Variants in ZFHX3 observed in about 807,000 individuals in gnomAD.
ZFHX3 encodes zinc finger homeobox 3.
Under a neutral mutation model 279.1 loss-of-function variants are expected in ZFHX3, and 42 were observed. That is an observed-to-expected ratio of 0.15 (90% CI 0.12 to 0.19). The LOEUF is 0.19. Among genes scored for constraint, ZFHX3 ranks in the 10% least tolerant of loss-of-function variants. The pLI is 1.00. For missense variants in ZFHX3, 4,981 were observed against 4,754.0 expected, an observed-to-expected ratio of 1.05 and a Z score of -1.40; for synonymous variants, 2,293 against 1,957.8, an observed-to-expected ratio of 1.17 and a Z score of -4.52.
At chr16:73,672,184 T>G (rs1467653298) in intron 2 of ZFHX3, among the ~76,000 whole-genome samples, 1 of 152,156 alleles carries the variant, frequency 6.6e-6, no homozygotes, top group Non-Finnish European at 1.5e-5. Context: ...TATATAATCT[T>G]TACTCTGACA....
intron 1 of ZFHX3, among the ~76,000 whole-genome samples, chr16:73,822,801 G>A (rs764551550): frequency 6.6e-6 from 1 of 152,212 alleles, no homozygotes; most frequent in East Asian, 1.9e-4. Flanking sequence ...GTCACTTTTA[G>A]ATACTGAGAG....
intron 2 of ZFHX3, among the ~76,000 whole-genome samples, chr16:73,511,428 G>A (rs568424062): frequency 2.0e-5 from 3 of 152,314 alleles, no homozygotes; most frequent in South Asian, 2.1e-4. Flanking sequence ...TAGCATCCCA[G>A]TCCTAAGATC....
chr16:73,566,052 A>T lies in ZFHX3; in HGVS notation c.-1546-109794T>A, dbSNP rs536309516. Among the ~76,000 whole-genome samples the T allele has an allele frequency of 1.2e-4, 19 of 152,310 alleles. No individual in the cohort carries two copies. The South Asian group carries it at 3.7e-3, about 30-fold the overall frequency. ...TGGTCTAAGCTTCCTGCTCATGCAGAGCTGTGGCAATGCTGTAGAAACACT... is the reference window on the plus strand; with the variant it reads ...TGGTCTAAGCTTCCTGCTCATGCAGTGCTGTGGCAATGCTGTAGAAACACT... On this transcript the variant is annotated intron_variant, in intron 2 of 17. Transcript: ENST00000641206.
At chr16:72,818,871 G>A (rs2036696196) in intron 5 of ZFHX3, among the ~76,000 whole-genome samples, 3 of 152,072 alleles carry the variant, frequency 2.0e-5, no homozygotes, top group Admixed American at 6.5e-5. Flanking sequence ...AAGACACAGA[G>A]GTTCTATCAA....
intron 2 of ZFHX3, among the ~76,000 whole-genome samples, chr16:73,477,668 C>T (rs1156233757): frequency 1.3e-5 from 2 of 152,192 alleles, no homozygotes; most frequent in Admixed American, 1.3e-4. Flanking sequence ...GCACTGGTAG[C>T]CGGTAGGGCA....
intron 5 of ZFHX3, among the ~76,000 whole-genome samples, chr16:73,245,909 A>C (rs779504928): frequency 5.9e-5 from 9 of 152,128 alleles, no homozygotes; most frequent in Non-Finnish European, 8.8e-5. Flanking sequence ...TGGGAACCTT[A>C]AGAGGGTTGA....
chr16:73,796,562 G>T (rs1159091163), intron 1 of ZFHX3: 2 of 152,214 alleles, frequency 1.3e-5, no homozygotes, highest in African/African-American at 4.8e-5. Flanking sequence ...ATGCCAGTGA[G>T]AGGAGGTGAG....
At chr16:73,534,779 G>A (rs112338637) in intron 2 of ZFHX3, among the ~76,000 whole-genome samples, 4 of 152,240 alleles carry the variant, frequency 2.6e-5, no homozygotes, top group African/African-American at 9.6e-5. Flanking sequence ...AGTCTTTCTT[G>A]TGGCATTTTA....
intron 2 of ZFHX3, among the ~76,000 whole-genome samples, chr16:72,956,028 G>T (rs1280129971): frequency 6.6e-6 from 1 of 152,174 alleles, no homozygotes; most frequent in African/African-American, 2.4e-5. Flanking sequence ...TAGCCAGTTG[G>T]TTTCAAATAC....
intron 2 of ZFHX3, among the ~76,000 whole-genome samples, chr16:73,513,716 T>C (rs2019472206): frequency 6.6e-6 from 1 of 152,034 alleles, no homozygotes; most frequent in Non-Finnish European, 1.5e-5. Context: ...GTCAGGAGCC[T>C]GGAAGGAGGA....
intron 4 of ZFHX3, among the ~76,000 whole-genome samples, chr16:72,839,225 A>G (rs147404535): frequency 7.8e-4 from 117 of 150,424 alleles, no homozygotes; most frequent in South Asian, 1.9e-3. Flanking sequence ...CCAAATAACC[A>G]TGAAAAATTA....
Position 73,805,989 on chromosome 16 carries a change from C to T in ZFHX3, c.-1608+85662G>A, listed in dbSNP as rs1014678062. Among the ~76,000 whole-genome samples the T allele has an allele frequency of 1.2e-4, 19 of 152,284 alleles. No individual in the cohort carries two copies. In the East Asian group the frequency reaches 2.7e-3, roughly 22 times the overall value. On this transcript the variant is annotated intron_variant, in intron 1 of 17. Coordinates refer to the ZFHX3 transcript ENST00000641206. The stretch of plus-strand genomic sequence containing the variant: ...TTGTAAAGAAAAGAGATTTAATTGA[C>T]TCACAGTTCCATATGGCTCAGCAAG...
At chr16:73,250,725 G>A (rs867281321) in intron 5 of ZFHX3, among the ~76,000 whole-genome samples, 54 of 151,882 alleles carry the variant, frequency 3.6e-4, no homozygotes, top group African/African-American at 1.3e-3. Context: ...TAGTAGAGAC[G>A]GGGTTTCACC....
chr16:73,124,423 A>C (rs1296231652), intron 7 of ZFHX3, among the ~76,000 whole-genome samples: 1 of 152,080 alleles, frequency 6.6e-6, no homozygotes, highest in Non-Finnish European at 1.5e-5. Context: ...TGACCTAATC[A>C]CTTCCCAAAG....
intron 5 of ZFHX3, among the ~76,000 whole-genome samples, chr16:73,154,971 C>T (rs1354716895): frequency 4.0e-5 from 6 of 151,792 alleles, no homozygotes; most frequent in Non-Finnish European, 5.9e-5. Flanking sequence ...CCCAGGAGTT[C>T]GAGACCAGCC....
intron 2 of ZFHX3, among the ~76,000 whole-genome samples, chr16:73,561,299 T>C (rs566586771): frequency 3.3e-5 from 5 of 152,208 alleles, no homozygotes; most frequent in Non-Finnish European, 7.3e-5. Context: ...ATTAAGGTCA[T>C]TCTGCATGAA....
intron 2 of ZFHX3, among the ~76,000 whole-genome samples, chr16:73,578,572 T>A (rs896151171): frequency 6.6e-6 from 1 of 152,094 alleles, no homozygotes; most frequent in Non-Finnish European, 1.5e-5. Flanking sequence ...AACACTAACA[T>A]GTAATACAAA....
chr16:72,958,563 T>C lies in ZFHX3; in HGVS notation c.1583A>G (p.Gln528Arg), dbSNP rs1423784328. The C allele has an allele frequency of 1.9e-6, 3 of 1,614,004 alleles. No individual in the cohort carries two copies. Among genetic ancestry groups the C allele is most frequent in the Non-Finnish European group, 2.5e-6 (3 of 1,180,030 alleles). ...CATTAAGGGGGAGTTAGAAATGCTT[T>C]GGTTTGAGAGAGCAAGGTCCTTTTT... ...SSKKDLALSN[Q>R]SISNSPLMPN... The change falls in exon 2 of 10, where the codon CAA (glutamine) becomes CGA (arginine). Residue 528 changes from glutamine to arginine, a missense_variant. Transcript: ENST00000268489.
intron 3 of ZFHX3, among the ~76,000 whole-genome samples, chr16:72,919,895 G>C (rs1259879560): frequency 7.4e-6 from 1 of 135,582 alleles, no homozygotes; most frequent in Non-Finnish European, 1.5e-5. Flanking sequence ...CCAGGTTCAA[G>C]CGATTCTCCT....
Sources: gnomAD v4.1 joint callset for allele counts (sites outside exome capture counted in the v4.1 genomes callset) on GRCh38, gnomAD v4.1.1 for gene constraint, MANE v1.5 for transcripts, NCBI Gene and HGNC (gene_info 2026-07-23, HGNC 2026-07-21) for gene names.